The following MACROD2 variants were observed in gnomAD, a reference collection of about 807,000 sequenced individuals.
MACROD2 encodes mono-ADP ribosylhydrolase 2.
A neutral mutation model predicts 70.4 loss-of-function variants in MACROD2; 36 were observed. The observed-to-expected ratio is 0.51, with a 90% confidence interval of 0.39 to 0.68. The LOEUF (loss-of-function observed/expected upper bound fraction) is 0.68, where lower values mean the gene tolerates loss of function less well. Among genes scored for constraint, MACROD2 ranks in the 30% least tolerant of loss-of-function variants. The pLI is 0.00. For synonymous variants in MACROD2, 172 were observed against 178.8 expected (o/e 0.96, Z 0.30); for missense variants, 496 against 538.4 (o/e 0.92, Z 0.78).
intron 5 of MACROD2, among the ~76,000 whole-genome samples, chr20:14,691,706 C>G (rs1363546748): frequency 6.6e-6 from 1 of 152,114 alleles, no homozygotes; most frequent in Non-Finnish European, 1.5e-5. Context: ...GTGGACTCTC[C>G]CAGCAGGTGT....
intron 5 of MACROD2, among the ~76,000 whole-genome samples, chr20:15,063,331 A>G (rs1350903010): frequency 2.6e-5 from 4 of 152,166 alleles, no homozygotes; most frequent in South Asian, 2.1e-4. Flanking sequence ...TTCAATTACA[A>G]TTTTGCTTCC....
At chr20:15,103,697 C>T (rs528890235) in intron 5 of MACROD2, among the ~76,000 whole-genome samples, 38 of 152,184 alleles carry the variant, frequency 2.5e-4, no homozygotes, top group African/African-American at 8.4e-4. Flanking sequence ...GATGATTTTA[C>T]ATAGAGATAA....
chr20:15,115,781 A>G (rs2075987301), intron 5 of MACROD2, among the ~76,000 whole-genome samples: 1 of 152,188 alleles, frequency 6.6e-6, no homozygotes, highest in Non-Finnish European at 1.5e-5. Context: ...TACTGTATGT[A>G]GCGATGAAAA....
intron 2 of MACROD2, among the ~76,000 whole-genome samples, chr20:14,011,101 G>A (rs938509133): frequency 2.6e-5 from 4 of 152,120 alleles, no homozygotes; most frequent in African/African-American, 9.7e-5. Flanking sequence ...CTGAATTATA[G>A]ATACTGTGTT....
At chr20:15,310,204 T>A (rs1193044686) in intron 6 of MACROD2, among the ~76,000 whole-genome samples, 1 of 152,222 alleles carries the variant, frequency 6.6e-6, no homozygotes, top group African/African-American at 2.4e-5. Flanking sequence ...AGTAACTTTT[T>A]AAATTATTTT....
intron 5 of MACROD2, among the ~76,000 whole-genome samples, chr20:14,963,569 A>G (rs1440667876): frequency 6.6e-6 from 1 of 152,166 alleles, no homozygotes; most frequent in East Asian, 1.9e-4. Context: ...TGATTATGTA[A>G]CAGCTTCCAA....
At chr20:15,159,920 A>G (rs954743733) in intron 5 of MACROD2, among the ~76,000 whole-genome samples, 1 of 152,072 alleles carries the variant, frequency 6.6e-6, no homozygotes, top group Non-Finnish European at 1.5e-5. Flanking sequence ...TCCCAGGAAA[A>G]TACTGAGGAA....
chr20:14,192,137 C>T (rs958360903), intron 3 of MACROD2, among the ~76,000 whole-genome samples: 2 of 152,122 alleles, frequency 1.3e-5, no homozygotes, highest in African/African-American at 4.8e-5. Context: ...ACTTTCTCTT[C>T]TTCATATTCC....
chr20:15,896,692 G>T (rs2064978616), intron 10 of MACROD2, among the ~76,000 whole-genome samples: 1 of 152,016 alleles, frequency 6.6e-6, no homozygotes, highest in Non-Finnish European at 1.5e-5. Context: ...CTAAGATACT[G>T]AACATCAAAA....
intron 5 of MACROD2, among the ~76,000 whole-genome samples, chr20:14,926,168 G>A (rs1309580886): frequency 1.3e-5 from 2 of 150,862 alleles, no homozygotes. Flanking sequence ...TGCAGAGTTT[G>A]TTTGTTTGTT....
intron 6 of MACROD2, among the ~76,000 whole-genome samples, chr20:15,417,837 GT>G (rs1232774580): frequency 6.6e-6 from 1 of 152,042 alleles, no homozygotes; most frequent in African/African-American, 2.4e-5. Flanking sequence ...TTGGGAGAAA[GT>G]CACACTAATC....
intron 5 of MACROD2, among the ~76,000 whole-genome samples, chr20:15,138,336 G>C (rs2076166198): frequency 6.6e-6 from 1 of 152,090 alleles, no homozygotes; most frequent in Non-Finnish European, 1.5e-5. Flanking sequence ...TAAATCTAAG[G>C]CATGAATGAT....
chr20:14,242,708 CT>C (rs1191434585), intron 3 of MACROD2, among the ~76,000 whole-genome samples: 1 of 152,096 alleles, frequency 6.6e-6, no homozygotes, highest in Non-Finnish European at 1.5e-5. Context: ...GTACTGCTAA[CT>C]TAAATTTTAT....
intron 5 of MACROD2, among the ~76,000 whole-genome samples, chr20:15,210,151 A>G (rs2076748863): frequency 6.6e-6 from 1 of 152,224 alleles, no homozygotes; most frequent in African/African-American, 2.4e-5. Context: ...GCACTGAAAT[A>G]TCCAAGCAAG....
rs1021620875 is a variant in MACROD2 at position 14,527,157 on chromosome 20, C to A, written c.301+33649C>A. On this transcript the variant is annotated intron_variant, in intron 4 of 17. Coordinates refer to ENST00000684519, the MANE Select transcript of MACROD2 (RefSeq NM_001351661.2). ...GTTCTGCTGGTTGGTGGCCTGCTGGCCTGCCGACGTCTGTCAGTTTGTTCT... is the reference window on the plus strand; with the variant it reads ...GTTCTGCTGGTTGGTGGCCTGCTGGACTGCCGACGTCTGTCAGTTTGTTCT... Among the ~76,000 whole-genome samples the A allele has an allele frequency of 3.3e-5, 5 of 152,224 alleles. No homozygotes were observed. In the East Asian group the frequency reaches 9.6e-4, roughly 29 times the overall value.
chr20:14,180,310 G>A (rs939125819), intron 3 of MACROD2, among the ~76,000 whole-genome samples: 3 of 152,072 alleles, frequency 2.0e-5, no homozygotes, highest in African/African-American at 7.2e-5. Context: ...TGCAGAGAGT[G>A]TGTTTTAGAA....
At chr20:14,321,685 G>C (rs1457053218) in intron 3 of MACROD2, among the ~76,000 whole-genome samples, 1 of 152,082 alleles carries the variant, frequency 6.6e-6, no homozygotes, top group Non-Finnish European at 1.5e-5. Flanking sequence ...AGCTCTCTTT[G>C]GATTCCTCAT....
At chr20:14,946,550 A>G (rs1184270570) in intron 5 of MACROD2, among the ~76,000 whole-genome samples, 1 of 152,130 alleles carries the variant, frequency 6.6e-6, no homozygotes, top group Non-Finnish European at 1.5e-5. Flanking sequence ...TTGGTGTTGC[A>G]TAAATATGAT....
chr20:14,132,218 A>T (rs889075038), intron 3 of MACROD2, among the ~76,000 whole-genome samples: 6 of 149,028 alleles, frequency 4.0e-5, no homozygotes, highest in South Asian at 2.1e-4. Flanking sequence ...GCTAATTAAA[A>T]TTTTTTTTTT....
Sources: allele counts gnomAD v4.1 joint callset (sites outside exome capture counted in the v4.1 genomes callset), GRCh38; gene constraint gnomAD v4.1.1; transcripts MANE v1.5; gene names NCBI Gene and HGNC (gene_info 2026-07-23, HGNC 2026-07-21).